Variants in KCNQ2 observed in about 807,000 individuals in gnomAD.
KCNQ2 encodes the protein potassium voltage-gated channel subfamily KQT member 2.
A neutral mutation model predicts 84.8 loss-of-function variants in KCNQ2; 14 were observed. That is an observed-to-expected ratio of 0.17 (90% CI 0.11 to 0.26). The LOEUF (loss-of-function observed/expected upper bound fraction) is 0.26. KCNQ2 is among the 10% of genes least tolerant of loss of function. The pLI is 1.00. For missense variants in KCNQ2, 788 were observed against 1,254.0 expected (o/e 0.63, Z 5.61); for synonymous variants, 599 against 554.1 (o/e 1.08, Z -1.14).
intron 10 of KCNQ2, 107 bp from the exon 11 acceptor site, chr20:63,424,313 A>C: frequency 1.5e-6 from 2 of 1,313,968 alleles, no homozygotes; most frequent in Non-Finnish European, 2.1e-6. Context: ...GCTGCAGGGG[A>C]GGGGGGTCTC....
chr20:63,438,584 G>A lies in KCNQ2; in HGVS notation c.1023+41C>T. On this transcript the variant is annotated intron_variant, in intron 7 of 16. Coordinates refer to ENST00000359125, the MANE Select transcript of KCNQ2 (RefSeq NM_172107.4). The surrounding 1 kb of genome is among the most constrained non-coding windows in gnomAD (Gnocchi z 5.1). ...CCACTCCTCAACAAGGTGGGACCAGGACAAGGGCTGTGCTGGTCCCCGGGG... is the reference window on the plus strand; with the variant it reads ...CCACTCCTCAACAAGGTGGGACCAGAACAAGGGCTGTGCTGGTCCCCGGGG... 6.5e-7 allele frequency: 1 copy of A among 1,548,986 alleles called. No homozygotes were observed. The highest frequency in any genetic ancestry group is 8.9e-7 in the Non-Finnish European group (1 of 1,121,936).
At chr20:63,427,137 A>ACTTGTACC (rs2080657677) in intron 10 of KCNQ2, among the ~76,000 whole-genome samples, 1 of 152,200 alleles carries the variant, frequency 6.6e-6, no homozygotes, top group African/African-American at 2.4e-5. Context: ...CAGGAGAATC[A>ACTTGTACC]CTTGTACCCG....
chr20:63,406,773 G>C lies in KCNQ2; in HGVS notation c.2490C>G (p.Val830=), dbSNP rs761275840. 1.2e-6 allele frequency: 2 copies of C among 1,612,542 alleles called. No individual in the cohort carries two copies. Among genetic ancestry groups the C allele is most frequent in the African/African-American group, 1.3e-5 (1 of 75,060 alleles). ...CYAAVAPCAK[V]RPYIAEGESD... ...ACTCTCCCTCCGCAATGTAGGGCCT[G>C]ACTTTGGCACAAGGCGCCACGGCCG... is the stretch of plus-strand genomic sequence containing the variant. The change falls in exon 17 of 17, where the codon GTC becomes GTG. Residue 830 remains valine (V), a synonymous_variant. Transcript: ENST00000359125.
rs561707690 is a variant in KCNQ2 at position 63,438,001 on chromosome 20, G to A, written c.1023+624C>T. Among the ~76,000 whole-genome samples the A allele has an allele frequency of 6.6e-6, 1 of 152,264 alleles. No individual in the cohort carries two copies. The highest frequency in any genetic ancestry group is 2.4e-5 in the African/African-American group (1 of 41,556). ...ATTTTTGTATTTTTAGGAGAGACAG[G>A]GTTTCACCATGTTGGCCAGGCTGGT... On this transcript the variant is annotated intron_variant, in intron 7 of 16. Coordinates refer to ENST00000359125, the MANE Select transcript of KCNQ2 (RefSeq NM_172107.4). The surrounding 1 kb of genome is among the most constrained non-coding windows in gnomAD (Gnocchi z 5.1).
In KCNQ2 at chr20:63,414,534, C is replaced by G. The variant is rs1164383500; in HGVS notation, c.1526-341G>C. ...TGAGGCTCAGTGAAGGAAGCCAGAC[C>G]CAACGGCCCCACGTGGGAGCCGCAG... On this transcript the variant is annotated intron_variant, in intron 13 of 16. Coordinates refer to ENST00000359125, the MANE Select transcript of KCNQ2 (RefSeq NM_172107.4). This position sits in a 1 kb window ranked among gnomAD's most constrained non-coding sequence, Gnocchi z 6.6. Among the ~76,000 whole-genome samples the G allele has an allele frequency of 2.0e-5, 3 of 152,038 alleles. No homozygotes were observed. Among genetic ancestry groups the G allele is most frequent in the Non-Finnish European group, 4.4e-5 (3 of 68,024 alleles).
chr20:63,406,234 A>G lies in KCNQ2; in HGVS notation c.*410T>C, dbSNP rs2079926577. ...CACCAAACAGGCCCGCCCTTTGCGC[A>G]GGTCCTCAGGGAACAGGCCTGCCCT... On this transcript the variant is annotated 3_prime_UTR_variant, in exon 17 of 17. Transcript: ENST00000359125. 1.1e-5 allele frequency: 2 copies of G among 187,962 alleles called. No homozygotes were observed. Among genetic ancestry groups the G allele is most frequent in the South Asian group, 2.5e-4 (2 of 8,008 alleles). The allele number at this position is 187,962 out of a possible 1,614,324, so 11.6% of individuals were successfully genotyped here.
At position 63,426,880 on chromosome 20, in the gene KCNQ2, T is replaced by G. The variant is rs570343978; in HGVS notation, c.1217+1487A>C. Among the ~76,000 whole-genome samples, 11 of 152,192 alleles carry G rather than the reference T, an allele frequency of 7.2e-5. 1 individual carries two copies. The South Asian group carries it at 1.9e-3, about 26-fold the overall frequency. The stretch of plus-strand genomic sequence containing the variant: ...CACCTCAAAATACTCACGTCCAAAA[T>G]CTCATCCAAATCCCATCAGTTCAAA... On this transcript the variant is annotated intron_variant, in intron 10 of 16. Coordinates refer to ENST00000359125, the MANE Select transcript of KCNQ2 (RefSeq NM_172107.4).
At chr20:63,433,952 C>A (rs1600732941) in intron 7 of KCNQ2, 49 bp from the exon 8 acceptor site, 2 of 1,566,106 alleles carry the variant, frequency 1.3e-6, no homozygotes, top group East Asian at 2.2e-5. Context: ...CGGCGAGGGG[C>A]GCGCCCAGGA....
intron 1 of KCNQ2, among the ~76,000 whole-genome samples, chr20:63,468,234 A>G (rs1178770855): frequency 3.3e-5 from 5 of 152,162 alleles, no homozygotes; most frequent in African/African-American, 1.2e-4. Context: ...AAGATTTCCT[A>G]CACAGGAGGC....
Position 63,401,481 on chromosome 20 carries a change from T to TC in KCNQ2, c.*5162dup, listed in dbSNP as rs2079807398. 6.6e-6 allele frequency: 1 copy of TC among 152,372 alleles called. No homozygotes were observed. The highest frequency in any genetic ancestry group is 6.5e-5 in the Admixed American group (1 of 15,284). 9.4% of individuals were successfully genotyped at this position (152,372 alleles called of 1,614,324 possible). On this transcript the variant is annotated 3_prime_UTR_variant, in exon 17 of 17. Transcript: ENST00000359125. ...ATCCTTCAGGAAGCCGCCCTGGCTG[T>TC]CTCTCCGGCTGCTTAGCGCTTTGCT...
chr20:63,443,087 T>C (rs1207528309), intron 4 of KCNQ2, among the ~76,000 whole-genome samples: 8 of 15,378 alleles, frequency 5.2e-4, no homozygotes, highest in Admixed American at 7.1e-4. Flanking sequence ...ACCACCACCA[T>C]TATCACCACC....
intron 1 of KCNQ2, among the ~76,000 whole-genome samples, chr20:63,464,769 A>G (rs1293718550): frequency 6.6e-6 from 1 of 152,198 alleles, no homozygotes; most frequent in Non-Finnish European, 1.5e-5. Flanking sequence ...CAAGTGGCAC[A>G]TTGATCCGCA....
At position 63,408,570 on chromosome 20, in the gene KCNQ2, G is replaced by A. The variant is rs777546017; in HGVS notation, c.1764-34C>T. The A allele has an allele frequency of 1.9e-5, 30 of 1,606,684 alleles. No individual in the cohort carries two copies. Among genetic ancestry groups the A allele is most frequent in the Non-Finnish European group, 2.1e-5 (25 of 1,178,068 alleles). The stretch of plus-strand genomic sequence containing the variant: ...AACAGAGACCCCAAAGCATGAGTTC[G>A]GGTGGGTGCAGCAGGGCCCCTGCCC... On this transcript the variant is annotated intron_variant, in intron 15 of 16. Transcript: ENST00000359125. The surrounding 1 kb of genome is among the most constrained non-coding windows in gnomAD (Gnocchi z 5.0).
At chr20:63,433,983 G>C in intron 7 of KCNQ2, 80 bp from the exon 8 acceptor site, 1 of 1,231,144 alleles carries the variant, frequency 8.1e-7, no homozygotes, top group Non-Finnish European at 1.2e-6. Flanking sequence ...TGGAGGGAAC[G>C]GGGCAGAGGG....
At chr20:63,455,100 G>A (rs1568960394) in intron 1 of KCNQ2, among the ~76,000 whole-genome samples, 1 of 152,166 alleles carries the variant, frequency 6.6e-6, no homozygotes, top group Non-Finnish European at 1.5e-5. Flanking sequence ...AATGGGGGAG[G>A]ATGAGGGGAG....
At chr20:63,453,247 C>A (rs903870142) in intron 1 of KCNQ2, among the ~76,000 whole-genome samples, 1 of 152,244 alleles carries the variant, frequency 6.6e-6, no homozygotes, top group African/African-American at 2.4e-5. Flanking sequence ...GAGGCACCGT[C>A]GCCAGGGGGC....
chr20:63,462,370 G>A (rs531588906), intron 1 of KCNQ2, among the ~76,000 whole-genome samples: 197 of 116,702 alleles, frequency 1.7e-3, no homozygotes, highest in African/African-American at 6.3e-3. Context: ...GGGAGGAGGC[G>A]GCACCTACCC....
intron 1 of KCNQ2, among the ~76,000 whole-genome samples, chr20:63,464,734 G>A (rs1429890404): frequency 2.0e-5 from 3 of 152,176 alleles, no homozygotes; most frequent in Non-Finnish European, 4.4e-5. Context: ...AGTGTGTGGG[G>A]GCAGGGGCCC....
chr20:63,437,971 A>G (rs757464263), intron 7 of KCNQ2, among the ~76,000 whole-genome samples: 130 of 152,216 alleles, frequency 8.5e-4, no homozygotes, highest in East Asian at 1.2e-3. Context: ...CACCACGCCC[A>G]GCTAATTTTT....
Sources: allele counts gnomAD v4.1 joint callset (sites outside exome capture counted in the v4.1 genomes callset), GRCh38; gene constraint gnomAD v4.1.1; non-coding constraint Gnocchi (gnomAD v3.1); transcripts MANE v1.5; gene names NCBI Gene and HGNC (gene_info 2026-07-23, HGNC 2026-07-21).